MAPRE2: variants seen among roughly 807,000 people sequenced by gnomAD.
MAPRE2 encodes microtubule associated protein RP/EB family member 2, also known as microtubule-associated protein RP/EB family member 2.
Under a neutral mutation model 43.2 loss-of-function variants are expected in MAPRE2, and 13 were observed. The observed-to-expected ratio is 0.30, with a 90% CI of 0.20 to 0.48. The LOEUF (loss-of-function observed/expected upper bound fraction) is 0.48, where lower values mean the gene tolerates loss of function less well. Ranked by LOEUF, MAPRE2 falls within the 20% of genes least tolerant of loss-of-function variation. MAPRE2 has a pLI of 0.99. For missense variants in MAPRE2, 161 were observed against 400.2 expected, an observed-to-expected ratio of 0.40 and a Z score of 5.10; for synonymous variants, 135 against 148.8, an observed-to-expected ratio of 0.91 and a Z score of 0.68.
chr18:35,115,788 T>G (rs1481736733), intron 4 of MAPRE2, among the ~76,000 whole-genome samples: 1 of 152,248 alleles, frequency 6.6e-6, no homozygotes, highest in African/African-American at 2.4e-5. Context: ...GCACTTAGGT[T>G]GGTTCCATAT....
At chr18:35,117,834 G>A (rs190582840) in intron 4 of MAPRE2, among the ~76,000 whole-genome samples, 41 of 152,236 alleles carry the variant, frequency 2.7e-4, no homozygotes, top group African/African-American at 9.6e-4. Flanking sequence ...GATGCGAGGG[G>A]TGAAAAGTCA....
At chr18:35,095,400 ACG>A (rs1491541607) in intron 2 of MAPRE2, among the ~76,000 whole-genome samples, 2,546 of 118,406 alleles carry the variant, frequency 0.022, 78 homozygotes, top group African/African-American at 0.085. Context: ...ACACACACAC[ACG>A]CACACACACA....
chr18:35,088,725 T>G (rs1055642214), intron 2 of MAPRE2, among the ~76,000 whole-genome samples: 1 of 152,180 alleles, frequency 6.6e-6, no homozygotes, highest in Non-Finnish European at 1.5e-5. Flanking sequence ...ACATCTATTT[T>G]TATCTGATTA....
chr18:34,988,146 AT>A (rs1473760203), intron 1 of MAPRE2, among the ~76,000 whole-genome samples: 1 of 152,134 alleles, frequency 6.6e-6, no homozygotes, highest in Non-Finnish European at 1.5e-5. Flanking sequence ...ATATACTTGT[AT>A]CCCCAGATTC....
At chr18:34,998,596 G>A (rs1175281258) in intron 1 of MAPRE2, among the ~76,000 whole-genome samples, 1 of 151,646 alleles carries the variant, frequency 6.6e-6, no homozygotes, top group Non-Finnish European at 1.5e-5. Flanking sequence ...CAAAGTGCTG[G>A]GATTACAGGC....
chr18:35,093,331 G>A (rs746424867), intron 2 of MAPRE2, among the ~76,000 whole-genome samples: 3 of 150,172 alleles, frequency 2.0e-5, no homozygotes, highest in Non-Finnish European at 4.4e-5. Context: ...ATGTGAATTA[G>A]TACAGCCATT....
chr18:35,061,815 A>T (rs1906544874), intron 1 of MAPRE2, among the ~76,000 whole-genome samples: 1 of 152,062 alleles, frequency 6.6e-6, no homozygotes, highest in South Asian at 2.1e-4. Flanking sequence ...CTCCATCCTG[A>T]TCTCCCTCCT....
intron 3 of MAPRE2, among the ~76,000 whole-genome samples, chr18:35,099,911 A>G (rs1353713967): frequency 2.0e-5 from 3 of 152,164 alleles, no homozygotes; most frequent in Non-Finnish European, 4.4e-5. Flanking sequence ...TTTTCTTCCA[A>G]ATTTTCATTG....
intron 6 of MAPRE2, among the ~76,000 whole-genome samples, chr18:35,132,750 C>A (rs973737255): frequency 2.6e-5 from 4 of 152,156 alleles, no homozygotes; most frequent in Admixed American, 2.0e-4. Flanking sequence ...TGCTGCTATT[C>A]ACAAGTGCTG....
At chr18:35,041,743 C>G in intron 1 of MAPRE2, 82 bp downstream of exon 1, 1 of 1,604,318 alleles carries the variant, frequency 6.2e-7, no homozygotes, top group South Asian at 1.1e-5. Context: ...ATGGAGCAGA[C>G]ACTGCCTGCG....
intron 2 of MAPRE2, among the ~76,000 whole-genome samples, chr18:35,096,996 G>A (rs1204591255): frequency 6.6e-6 from 1 of 152,184 alleles, no homozygotes; most frequent in East Asian, 1.9e-4. Flanking sequence ...CATTTCATGA[G>A]AACTTTTGTA....
At chr18:35,086,820 A>C (rs570774465) in intron 2 of MAPRE2, among the ~76,000 whole-genome samples, 3 of 152,146 alleles carry the variant, frequency 2.0e-5, no homozygotes, top group Non-Finnish European at 2.9e-5. Context: ...TAAGGATACT[A>C]TGGGATTCAG....
At chr18:35,130,622 G>A (rs1366740162) in intron 5 of MAPRE2, among the ~76,000 whole-genome samples, 2 of 152,168 alleles carry the variant, frequency 1.3e-5, no homozygotes, top group Non-Finnish European at 2.9e-5. Context: ...AATTCTATTA[G>A]GGGTGATTTT....
chr18:35,001,200 A>G (rs1041425709), intron 1 of MAPRE2, among the ~76,000 whole-genome samples: 1 of 152,200 alleles, frequency 6.6e-6, no homozygotes, highest in Admixed American at 6.5e-5. Context: ...TAAGGGTATG[A>G]GAGATAAGTT....
chr18:35,112,426 C>T (rs770989519), intron 4 of MAPRE2, among the ~76,000 whole-genome samples: 3 of 152,168 alleles, frequency 2.0e-5, no homozygotes, highest in Non-Finnish European at 2.9e-5. Context: ...ATGCCTCAGC[C>T]TCCCAAAGTG....
At chr18:35,048,115 C>G (rs1300299102) in intron 1 of MAPRE2, among the ~76,000 whole-genome samples, 1 of 152,156 alleles carries the variant, frequency 6.6e-6, no homozygotes. Context: ...GGGGAGGCCT[C>G]AGGGAGCTTT....
At chr18:35,137,386 A>G (rs1309268514) in intron 6 of MAPRE2, among the ~76,000 whole-genome samples, 1 of 152,240 alleles carries the variant, frequency 6.6e-6, no homozygotes, top group African/African-American at 2.4e-5. Flanking sequence ...AAGGAGGCCT[A>G]GCCTAGTGGC....
At chr18:35,012,915 T>A (rs1403051372) in intron 2 of MAPRE2, among the ~76,000 whole-genome samples, 1 of 152,098 alleles carries the variant, frequency 6.6e-6, no homozygotes, top group Non-Finnish European at 1.5e-5. Context: ...TATATGCATT[T>A]TACTACAATG....
intron 1 of MAPRE2, chr18:34,988,453 A>T (rs75029340): frequency 7.9e-5 from 12 of 152,304 alleles, no homozygotes; most frequent in Admixed American, 3.3e-4. Context: ...ACATCCTTCA[A>T]ATTGAGTTTT....
Sources: allele counts gnomAD v4.1 joint callset (sites outside exome capture counted in the v4.1 genomes callset), GRCh38; gene constraint gnomAD v4.1.1; transcripts MANE v1.5; gene names NCBI Gene and HGNC (gene_info 2026-07-23, HGNC 2026-07-21).